SEMA3A: variants seen among roughly 807,000 people sequenced by gnomAD.
The protein encoded by SEMA3A is semaphorin 3A.
SEMA3A carries 29 observed loss-of-function variants against 97.9 expected under a neutral mutation model. The ratio of observed to expected loss-of-function variants is 0.30; its 90% CI spans 0.22 to 0.40. The LOEUF (loss-of-function observed/expected upper bound fraction) is 0.40, where lower values mean the gene tolerates loss of function less well. SEMA3A is among the 10% of genes least tolerant of loss of function. The pLI is 1.00. For missense variants in SEMA3A, 763 were observed against 951.3 expected (o/e 0.80, Z 2.60); for synonymous variants, 321 against 323.7 (o/e 0.99, Z 0.09).
At chr7:84,075,032 C>A (rs779325063) in intron 4 of SEMA3A, among the ~76,000 whole-genome samples, 1 of 151,944 alleles carries the variant, frequency 6.6e-6, no homozygotes, top group African/African-American at 2.4e-5. Context: ...CTGATTAAAA[C>A]CTCTGTTTCT....
intron 2 of SEMA3A, among the ~76,000 whole-genome samples, chr7:84,321,897 A>AAAAG (rs1562902776): frequency 1.2e-5 from 1 of 84,266 alleles, no homozygotes; most frequent in African/African-American, 5.0e-5. Flanking sequence ...AAAAAAAAAA[A>AAAAG]AAGAAGAAGA....
chr7:83,961,404 G>A lies in SEMA3A; in HGVS notation c.2283C>T (p.Thr761=), dbSNP rs2116245138. The part of the protein sequence containing the change: ...QENKKGRNRR[T]HEFERAPRSV ...TCCTGGGTGCCCTCTCAAATTCGTG[G>A]GTCCTCCTGTTTCTACCTTTCTTAT... is the stretch of plus-strand genomic sequence containing the variant. Residue 761 remains threonine, a synonymous_variant, in exon 17 of 17, where the codon ACC becomes ACT. Coordinates refer to ENST00000265362, the MANE Select transcript of SEMA3A (RefSeq NM_006080.3). The A allele has an allele frequency of 6.2e-7, 1 of 1,613,942 alleles. No individual in the cohort carries two copies. Among genetic ancestry groups the A allele is most frequent in the Middle Eastern group, 1.7e-4 (1 of 6,060 alleles).
chr7:84,414,355 AC>A (rs1237693374), intron 1 of SEMA3A, among the ~76,000 whole-genome samples: 8 of 151,846 alleles, frequency 5.3e-5, no homozygotes, highest in Non-Finnish European at 8.8e-5. Flanking sequence ...AATTAACTCA[AC>A]AAAAGTAATC....
chr7:84,094,082 G>A (rs1794674863), intron 4 of SEMA3A, among the ~76,000 whole-genome samples: 1 of 152,132 alleles, frequency 6.6e-6, no homozygotes, highest in Non-Finnish European at 1.5e-5. Context: ...TGGCTTTGAT[G>A]TGGAAGTCTG....
intron 1 of SEMA3A, among the ~76,000 whole-genome samples, chr7:84,433,024 T>A (rs1467202477): frequency 6.6e-6 from 1 of 151,952 alleles, no homozygotes; most frequent in Non-Finnish European, 1.5e-5. Flanking sequence ...CAGTGTATAA[T>A]GGTTTCCTTC....
intron 1 of SEMA3A, among the ~76,000 whole-genome samples, chr7:84,390,296 G>A (rs1035126279): frequency 6.8e-6 from 1 of 147,258 alleles, no homozygotes; most frequent in African/African-American, 2.5e-5. Flanking sequence ...GGCAGTGCAA[G>A]ATTTTTTTTT....
intron 1 of SEMA3A, among the ~76,000 whole-genome samples, chr7:84,434,927 A>T (rs1360822781): frequency 6.6e-6 from 1 of 152,304 alleles, no homozygotes; most frequent in South Asian, 2.1e-4. Flanking sequence ...AACTGGAAAC[A>T]TTCCCCTTGA....
At chr7:84,293,398 A>G (rs944495316) in intron 3 of SEMA3A, among the ~76,000 whole-genome samples, 5 of 152,056 alleles carry the variant, frequency 3.3e-5, no homozygotes, top group Admixed American at 1.3e-4. Flanking sequence ...ACATGAATCA[A>G]TAATTTTTTT....
intron 13 of SEMA3A, among the ~76,000 whole-genome samples, chr7:83,981,933 A>G (rs954041607): frequency 2.0e-5 from 3 of 152,002 alleles, no homozygotes; most frequent in Non-Finnish European, 4.4e-5. Context: ...GCCCTTTCCT[A>G]TGATATGGGA....
At chr7:84,390,136 T>C (rs1803502739) in intron 1 of SEMA3A, among the ~76,000 whole-genome samples, 1 of 152,012 alleles carries the variant, frequency 6.6e-6, no homozygotes, top group Non-Finnish European at 1.5e-5. Context: ...AAAAACTAAA[T>C]AAATATACAA....
chr7:84,259,829 AAAAGAAAG>A (rs1421257792), intron 3 of SEMA3A, among the ~76,000 whole-genome samples: 2 of 151,252 alleles, frequency 1.3e-5, no homozygotes, highest in African/African-American at 4.9e-5. Context: ...AAAAAAAAAG[AAAAGAAAG>A]GAAAAAAAAG....
At chr7:84,003,931 A>C (rs6965585) in intron 11 of SEMA3A, among the ~76,000 whole-genome samples, 36,891 of 151,974 alleles carry the variant, frequency 0.24, 4,636 homozygotes, top group South Asian at 0.31. Context: ...ATAAAAGTAG[A>C]CTTTAATATA....
At chr7:84,478,989 A>C (rs1207228063) in intron 1 of SEMA3A, among the ~76,000 whole-genome samples, 1 of 152,192 alleles carries the variant, frequency 6.6e-6, no homozygotes, top group African/African-American at 2.4e-5. Flanking sequence ...ATATATACTA[A>C]TGTGCTCCTC....
intron 4 of SEMA3A, among the ~76,000 whole-genome samples, chr7:84,102,829 C>G (rs555730036): frequency 6.6e-6 from 1 of 151,908 alleles, no homozygotes; most frequent in Non-Finnish European, 1.5e-5. Flanking sequence ...GATCCGCCCA[C>G]CTCAGCCTCC....
At chr7:84,086,696 A>G (rs992588299) in intron 4 of SEMA3A, among the ~76,000 whole-genome samples, 2 of 148,440 alleles carry the variant, frequency 1.3e-5, no homozygotes, top group African/African-American at 2.5e-5. Context: ...ATATGTATAT[A>G]TATGGAACAT....
At chr7:84,184,034 C>CAGA (rs1197157226) in intron 1 of SEMA3A, among the ~76,000 whole-genome samples, 1 of 151,990 alleles carries the variant, frequency 6.6e-6, no homozygotes, top group Non-Finnish European at 1.5e-5. Context: ...TAGTTGTGAA[C>CAGA]AGAAGTATTG....
intron 1 of SEMA3A, among the ~76,000 whole-genome samples, chr7:84,457,877 A>G (rs1805724272): frequency 6.6e-6 from 1 of 152,036 alleles, no homozygotes; most frequent in Non-Finnish European, 1.5e-5. Flanking sequence ...TATATACATC[A>G]TACATTAACT....
chr7:84,234,743 T>C (rs1382786330), intron 3 of SEMA3A, among the ~76,000 whole-genome samples: 1 of 152,060 alleles, frequency 6.6e-6, no homozygotes, highest in Non-Finnish European at 1.5e-5. Context: ...TTACATTTAA[T>C]AGCAGGCAGT....
intron 4 of SEMA3A, among the ~76,000 whole-genome samples, chr7:84,092,987 ATT>A: frequency 6.6e-6 from 1 of 152,270 alleles, no homozygotes; most frequent in East Asian, 1.9e-4. Context: ...ACAGGATAAT[ATT>A]TGTTAATCAA....
Sources: gnomAD v4.1 joint callset for allele counts (sites outside exome capture counted in the v4.1 genomes callset) on GRCh38, gnomAD v4.1.1 for gene constraint, MANE v1.5 for transcripts, NCBI Gene and HGNC (gene_info 2026-07-23, HGNC 2026-07-21) for gene names.